DLGAP1: variants seen among roughly 807,000 people sequenced by gnomAD.
DLGAP1 encodes the protein disks large-associated protein 1.
Under a neutral mutation model 90.8 loss-of-function variants are expected in DLGAP1, and 11 were observed. The ratio of observed to expected loss-of-function variants is 0.12; its 90% CI spans 0.08 to 0.20. DLGAP1 has a LOEUF of 0.20. Ranked by LOEUF, DLGAP1 falls within the 10% of genes least tolerant of loss-of-function variation. The probability of loss-of-function intolerance (pLI) is 1.00; values close to 1 mark genes in which losing one functional copy is unlikely to be tolerated. For synonymous variants in DLGAP1, 558 were observed against 540.7 expected (o/e 1.03, Z -0.44); for missense variants, 1,050 against 1,333.8 (o/e 0.79, Z 3.31).
At chr18:4,401,016 T>C (rs998940326) in intron 1 of DLGAP1, among the ~76,000 whole-genome samples, 6 of 152,210 alleles carry the variant, frequency 3.9e-5, no homozygotes, top group Non-Finnish European at 4.4e-5. Flanking sequence ...GTTTAAAATA[T>C]GTCAAAATAC....
At chr18:4,335,086 G>A (rs1188796153) in intron 1 of DLGAP1, among the ~76,000 whole-genome samples, 1 of 151,854 alleles carries the variant, frequency 6.6e-6, no homozygotes, top group Admixed American at 6.6e-5. Flanking sequence ...TAGGCCAAAT[G>A]GCTGCAGAAA....
intron 1 of DLGAP1, among the ~76,000 whole-genome samples, chr18:4,311,722 T>A (rs1162091389): frequency 6.6e-6 from 1 of 152,082 alleles, no homozygotes; most frequent in Non-Finnish European, 1.5e-5. Context: ...ACTAAATATA[T>A]ATATGTATTT....
intron 2 of DLGAP1, among the ~76,000 whole-genome samples, chr18:4,067,839 T>G (rs2075391587): frequency 6.6e-6 from 1 of 152,078 alleles, no homozygotes; most frequent in Non-Finnish European, 1.5e-5. Context: ...CCTGACCGAA[T>G]CAATGTACAC....
In DLGAP1 at chr18:3,711,949, T is replaced by C. The variant is rs79194867; in HGVS notation, c.1591+17186A>G. Among the ~76,000 whole-genome samples the C allele has an allele frequency of 0.021, 3,145 of 152,158 alleles. 103 individuals are homozygous for C. Among genetic ancestry groups the C allele is most frequent in the African/African-American group, 0.072 (2,984 of 41,526 alleles). On this transcript the variant is annotated intron_variant, in intron 7 of 12. Transcript: ENST00000315677. This position sits in a 1 kb window ranked among gnomAD's most constrained non-coding sequence, Gnocchi z 4.0. Reference sequence around the variant, plus strand: ...GGGATGGGCTGTGGGAAGGGAGGCATACAGAAATGTATAAGGAGGCATGAG... The same window carrying C: ...GGGATGGGCTGTGGGAAGGGAGGCACACAGAAATGTATAAGGAGGCATGAG...
intron 7 of DLGAP1, among the ~76,000 whole-genome samples, chr18:3,611,274 C>G (rs2057611503): frequency 6.6e-6 from 1 of 152,164 alleles, no homozygotes; most frequent in African/African-American, 2.4e-5. Flanking sequence ...GCCTCACACC[C>G]TCCCATCCCA....
At chr18:4,193,924 G>T (rs1199244012) in intron 1 of DLGAP1, among the ~76,000 whole-genome samples, 1 of 152,090 alleles carries the variant, frequency 6.6e-6, no homozygotes, top group Non-Finnish European at 1.5e-5. Context: ...GAATAACAGA[G>T]ATGAAGAAAT....
intron 1 of DLGAP1, among the ~76,000 whole-genome samples, chr18:4,340,535 A>G (rs770318542): frequency 6.6e-5 from 10 of 152,198 alleles, no homozygotes; most frequent in Non-Finnish European, 1.2e-4. Flanking sequence ...TTATTTTTAT[A>G]CAGACTTAAA....
At chr18:3,507,034 G>A (rs1459737989) in intron 11 of DLGAP1, among the ~76,000 whole-genome samples, 3 of 152,124 alleles carry the variant, frequency 2.0e-5, no homozygotes, top group Non-Finnish European at 2.9e-5. Context: ...ATGGGGCAGG[G>A]GGTGGGAGGG....
chr18:3,743,901 C>T lies in DLGAP1; in HGVS notation c.1173-1389G>A, dbSNP rs571843040. 3.5e-4 allele frequency among the ~76,000 whole-genome samples: 54 copies of T among 152,306 alleles called. 2 individuals are homozygous for T. In the South Asian group the frequency reaches 9.7e-3, roughly 27 times the overall value. On this transcript the variant is annotated intron_variant, in intron 5 of 12. Coordinates refer to ENST00000315677, the MANE Select transcript of DLGAP1 (RefSeq NM_004746.4). ...CTGGCCTCAAGTGACCTGCCTGCCT[C>T]GGCCTCCCAAAGTGTTGGGATTAAA...
chr18:3,620,613 A>T (rs2058062403), intron 7 of DLGAP1, among the ~76,000 whole-genome samples: 1 of 152,044 alleles, frequency 6.6e-6, no homozygotes. Flanking sequence ...GCTGGAGTGC[A>T]ATGGCAAGAT....
intron 1 of DLGAP1, among the ~76,000 whole-genome samples, chr18:4,277,474 CTG>C (rs545666427): frequency 0.01 from 1,547 of 152,246 alleles, 11 homozygotes; most frequent in Non-Finnish European, 0.017. Context: ...AGAATAGTTT[CTG>C]TGGGTTTTCT....
At chr18:4,124,135 C>T (rs567900683) in intron 2 of DLGAP1, among the ~76,000 whole-genome samples, 1 of 152,292 alleles carries the variant, frequency 6.6e-6, no homozygotes. Flanking sequence ...TCCAATCTGA[C>T]ATATGAGTAT....
At chr18:4,131,896 C>T (rs928429255) in intron 2 of DLGAP1, among the ~76,000 whole-genome samples, 4 of 152,120 alleles carry the variant, frequency 2.6e-5, no homozygotes, top group Non-Finnish European at 4.4e-5. Flanking sequence ...GCATGAGGTA[C>T]GCAGCTGGCA....
chr18:4,190,996 T>C (rs2077388462), intron 1 of DLGAP1, among the ~76,000 whole-genome samples: 4 of 152,172 alleles, frequency 2.6e-5, no homozygotes, highest in Admixed American at 1.3e-4. Flanking sequence ...AAGGAGTCTT[T>C]TCATTAATCC....
intron 1 of DLGAP1, among the ~76,000 whole-genome samples, chr18:4,327,092 ACAAATTT>A (rs2080835846): frequency 2.6e-5 from 1 of 37,814 alleles, no homozygotes; most frequent in African/African-American, 2.6e-4. Flanking sequence ...ATTAAAGAAT[ACAAATTT>A]ACAAATTTTC....
At chr18:3,966,467 G>C (rs1331471022) in intron 3 of DLGAP1, among the ~76,000 whole-genome samples, 1 of 152,100 alleles carries the variant, frequency 6.6e-6, no homozygotes, top group African/African-American at 2.4e-5. Context: ...TGGGAACTGA[G>C]GAATGAATTA....
At chr18:3,899,990 AAAC>A (rs1249548106) in intron 3 of DLGAP1, among the ~76,000 whole-genome samples, 1 of 152,230 alleles carries the variant, frequency 6.6e-6, no homozygotes, top group African/African-American at 2.4e-5. Flanking sequence ...CAAAAACAAA[AAAC>A]AAAAAACAAA....
chr18:3,968,469 C>A (rs559859914), intron 3 of DLGAP1, among the ~76,000 whole-genome samples: 1 of 152,060 alleles, frequency 6.6e-6, no homozygotes, highest in Non-Finnish European at 1.5e-5. Flanking sequence ...TAACTATACA[C>A]CTTAAAAAAA....
At chr18:4,269,502 C>T (rs1166812873) in intron 1 of DLGAP1, among the ~76,000 whole-genome samples, 9 of 151,626 alleles carry the variant, frequency 5.9e-5, no homozygotes, top group East Asian at 1.9e-4. Flanking sequence ...TACAGGAGCC[C>T]ACCACCATGC....
Sources: gnomAD v4.1 joint callset for allele counts (sites outside exome capture counted in the v4.1 genomes callset) on GRCh38, gnomAD v4.1.1 for gene constraint, Gnocchi (gnomAD v3.1) non-coding constraint, MANE v1.5 for transcripts, NCBI Gene and HGNC (gene_info 2026-07-23, HGNC 2026-07-21) for gene names.